Variants in KRTAP4-12 observed in about 807,000 individuals in gnomAD.
KRTAP4-12 encodes the protein keratin associated protein 4-12.
Under a neutral mutation model 0.9 loss-of-function variants are expected in KRTAP4-12, and 1 was observed. The ratio of observed to expected loss-of-function variants is 1.11; its 90% CI spans 0.40 to 5.29. The LOEUF (loss-of-function observed/expected upper bound fraction) is 5.29, where lower values mean the gene tolerates loss of function less well. KRTAP4-12 is among the 30% of genes most tolerant of loss of function. KRTAP4-12 has a pLI of 0.16. For missense variants in KRTAP4-12, 240 were observed against 265.6 expected, an observed-to-expected ratio of 0.90 and a Z score of 0.67; for synonymous variants, 85 against 94.0, an observed-to-expected ratio of 0.90 and a Z score of 0.55.
In KRTAP4-12 at chr17:41,123,606, G is replaced by C. The variant is rs745512902; in HGVS notation, c.517C>G (p.Arg173Gly). The change falls in exon 1 of 1, where the codon CGA (arginine) becomes GGA (glycine). Residue 173 changes from arginine (R) to glycine (G), a missense_variant. This residue lies in a region of KRTAP4-12 where 119 missense variants were observed against 106.2 expected (regional missense o/e 1.12). Coordinates refer to ENST00000394014, the MANE Select transcript of KRTAP4-12 (RefSeq NM_031854.3). Reference protein sequence around the residue: ...PCCCLRPVCGRVSCHTTCYRP... With the variant: ...PCCCLRPVCGGVSCHTTCYRP... The stretch of plus-strand genomic sequence containing the variant: ...TAGCAAGTGGTGTGGCAGGAGACTC[G>C]GCCACAGACTGGACGCAGGCAGCAG... 12 of 1,612,656 alleles carry C rather than the reference G, an allele frequency of 7.4e-6. No individual in the cohort carries two copies. The highest frequency in any genetic ancestry group is 4.5e-5 in the East Asian group (2 of 44,862).
rs2014433062 is a variant in KRTAP4-12 at position 41,123,099 on chromosome 17, G to A, written c.*418C>T. 2 of 226,614 alleles carry A rather than the reference G, an allele frequency of 8.8e-6. No homozygotes were observed. The highest frequency in any genetic ancestry group is 1.7e-5 in the Non-Finnish European group (2 of 116,398). The allele number at this position is 226,614 out of a possible 1,614,324, so 14.0% of individuals were successfully genotyped here. ...ATAAGAATCATATTCAATTTTCAGT[G>A]CCAATAGAATAGAGGTTTATTTTGG... On this transcript the variant is annotated 3_prime_UTR_variant, in exon 1 of 1. Transcript: ENST00000394014.
chr17:41,123,527 G>A lies in KRTAP4-12; in HGVS notation c.596C>T (p.Ser199Phe), dbSNP rs1479473374. 1.2e-6 allele frequency: 2 copies of A among 1,612,032 alleles called. No individual in the cohort carries two copies. The highest frequency in any genetic ancestry group is 2.2e-5 in the East Asian group (1 of 44,830). ...GTTCACAGCAGAGATTTAGCAGCAA[G>A]AGGAGGCACAGCACAAGGGGCGGGG... ...TCPRPLCCAS[S>F]CC The change falls in exon 1 of 1, where the codon TCT becomes TTT. Residue 199 changes from serine to phenylalanine, a missense_variant. Around this residue, in one of 3 missense-constraint regions of KRTAP4-12, gnomAD observed 119 missense variants for 106.2 expected, o/e 1.12. Coordinates refer to ENST00000394014, the MANE Select transcript of KRTAP4-12 (RefSeq NM_031854.3).
Position 41,123,713 on chromosome 17 carries a change from T to C in KRTAP4-12, c.410A>G (p.Gln137Arg). 3.1e-6 allele frequency: 5 copies of C among 1,609,090 alleles called. No homozygotes were observed. The highest frequency in any genetic ancestry group is 3.4e-6 in the Non-Finnish European group (4 of 1,178,214). The change falls in exon 1 of 1, where the codon CAG becomes CGG. Residue 137 changes from glutamine to arginine, a missense_variant. Around this residue, in one of 3 missense-constraint regions of KRTAP4-12, gnomAD observed 119 missense variants for 106.2 expected, o/e 1.12. Coordinates refer to ENST00000394014, the MANE Select transcript of KRTAP4-12 (RefSeq NM_031854.3). ...RPQCCQSVCC[Q>R]PTCCRPSCCI... ...GCAGCTGGGGCGGCAGCAGGTGGGC[T>C]GGCAGCACACAGACTGGCAGCACTG...
Position 41,123,611 on chromosome 17 carries a change from C to A in KRTAP4-12, c.512G>T (p.Cys171Phe), listed in dbSNP as rs2014443543. ...CRPCCCLRPVCGRVSCHTTCY... is the reference protein window; with the variant it reads ...CRPCCCLRPVFGRVSCHTTCY... Reference sequence around the variant, plus strand: ...AGTGGTGTGGCAGGAGACTCGGCCACAGACTGGACGCAGGCAGCAGCAGGG... The same window carrying A: ...AGTGGTGTGGCAGGAGACTCGGCCAAAGACTGGACGCAGGCAGCAGCAGGG... The change falls in exon 1 of 1, where the codon TGT (cysteine) becomes TTT (phenylalanine). Residue 171 changes from cysteine (C) to phenylalanine (F), a missense_variant. Physicochemically the swap from Cys to Phe is radical, Grantham distance 205 (BLOSUM62 -2). Transcript: ENST00000394014. The A allele has an allele frequency of 6.2e-7, 1 of 1,613,206 alleles. No homozygotes were observed. The highest frequency in any genetic ancestry group is 8.5e-7 in the Non-Finnish European group (1 of 1,179,688).
In KRTAP4-12 at chr17:41,123,652, T is replaced by C; in HGVS notation, c.471A>G (p.Glu157=). 6.2e-7 allele frequency: 1 copy of C among 1,611,704 alleles called. No homozygotes were observed. The highest frequency in any genetic ancestry group is 8.5e-7 in the Non-Finnish European group (1 of 1,179,434). ...AGCAGCAGGGGCGGCAGCAGCTGGA[T>C]TCACAGCAAGAGGGGCAGCAGCTGC... ...ISSSCCPSCC[E]SSCCRPCCCL... Residue 157 remains glutamate, a synonymous_variant, in exon 1 of 1, where the codon GAA becomes GAG. Transcript: ENST00000394014.
chr17:41,123,145 C>A lies in KRTAP4-12; in HGVS notation c.*372G>T. ...TTTGGTACATGGAAATAACAAGGTA[C>A]AAAAATGTTTGCAAAAGACTTTAAG... On this transcript the variant is annotated 3_prime_UTR_variant, in exon 1 of 1. Transcript: ENST00000394014. 2.9e-6 allele frequency: 1 copy of A among 340,436 alleles called. No homozygotes were observed. 21.1% of individuals were successfully genotyped at this position (340,436 alleles called of 1,614,324 possible). A position where few individuals can be genotyped will look rare whatever the true frequency, so the allele number is the denominator to read the frequency against.
Position 41,124,005 on chromosome 17 carries a change from A to T in KRTAP4-12, c.118T>A (p.Cys40Ser), listed in dbSNP as rs570389504. The change falls in exon 1 of 1, where the codon TGC (cysteine) becomes AGC (serine). Residue 40 changes from cysteine (C) to serine (S), a missense_variant. Coordinates refer to ENST00000394014, the MANE Select transcript of KRTAP4-12 (RefSeq NM_031854.3). ...GGCCTGCAGCAGCTGGACACACAGC[A>T]GCTGGGGCGGCAGCAGGTGGTCCTG... is the stretch of plus-strand genomic sequence containing the variant. ...CCRTTCCRPS[C>S]CVSSCCRPQC... The T allele has an allele frequency of 3.2e-5, 51 of 1,605,592 alleles. No individual in the cohort carries two copies. Among genetic ancestry groups the T allele is most frequent in the Admixed American group, 1.4e-4 (8 of 58,908 alleles).
Position 41,123,129 on chromosome 17 carries a change from T to G in KRTAP4-12, c.*388A>C. On this transcript the variant is annotated 3_prime_UTR_variant, in exon 1 of 1. Transcript: ENST00000394014. ...TAGAATAGAGGTTTATTTTGGTACA[T>G]GGAAATAACAAGGTACAAAAATGTT... The G allele has an allele frequency of 3.4e-6, 1 of 293,760 alleles. No individual in the cohort carries two copies. Among genetic ancestry groups the G allele is most frequent in the Non-Finnish European group, 6.3e-6 (1 of 159,186 alleles). The allele number at this position is 293,760 out of a possible 1,614,324, so 18.2% of individuals were successfully genotyped here. A position where few individuals can be genotyped will look rare whatever the true frequency, so the allele number is the denominator to read the frequency against.
In KRTAP4-12 at chr17:41,123,522, A is replaced by C. The variant is rs2014440460; in HGVS notation, c.601T>G (p.Cys201Gly). ...PRPLCCASSC[C>G] ...GGTGTGTTCACAGCAGAGATTTAGC[A>C]GCAAGAGGAGGCACAGCACAAGGGG... Residue 201 changes from cysteine (C) to glycine (G), a missense_variant, in exon 1 of 1, where the codon TGC becomes GGC. By Grantham distance (159) the Cys-to-Gly change is radical. Coordinates refer to ENST00000394014, the MANE Select transcript of KRTAP4-12 (RefSeq NM_031854.3). 1.2e-6 allele frequency: 2 copies of C among 1,611,396 alleles called. No homozygotes were observed. Among genetic ancestry groups the C allele is most frequent in the Admixed American group, 3.4e-5 (2 of 59,596 alleles).
Position 41,124,178 on chromosome 17 carries a change from T to G in KRTAP4-12, c.-56A>C. 6.4e-7 allele frequency: 1 copy of G among 1,564,652 alleles called. No homozygotes were observed. The highest frequency in any genetic ancestry group is 8.7e-7 in the Non-Finnish European group (1 of 1,155,546). On this transcript the variant is annotated 5_prime_UTR_variant, in exon 1 of 1. Transcript: ENST00000394014. Reference sequence around the variant, plus strand: ...TTCCAGGAGAGTGAGTGTTCTGAGTTTGATCTCTCCTTGTTCTCTCTTTTG... The same window carrying G: ...TTCCAGGAGAGTGAGTGTTCTGAGTGTGATCTCTCCTTGTTCTCTCTTTTG...
At position 41,123,859 on chromosome 17, in the gene KRTAP4-12, G is replaced by A. The variant is rs1438812750; in HGVS notation, c.264C>T (p.Pro88=). The part of the protein sequence containing the change: ...PSCCVSSCCR[P]QCCQSVCCQP... ...GGCAGCACACAGACTGGCAGCACTG[G>A]GGTCTGCAGCAGCTGGACACACAGC... Residue 88 remains proline, a synonymous_variant, in exon 1 of 1, where the codon CCC becomes CCT. Transcript: ENST00000394014. 9.3e-6 allele frequency: 15 copies of A among 1,609,882 alleles called. No individual in the cohort carries two copies. Among genetic ancestry groups the A allele is most frequent in the Non-Finnish European group, 1.2e-5 (14 of 1,179,298 alleles).
At position 41,123,297 on chromosome 17, in the gene KRTAP4-12, G is replaced by T; in HGVS notation, c.*220C>A. ...CCTGAAGTCAAAGAGGTGGGAGGATGTTGGAGGACAATTTGTCAATTTATT... is the reference window on the plus strand; with the variant it reads ...CCTGAAGTCAAAGAGGTGGGAGGATTTTGGAGGACAATTTGTCAATTTATT... On this transcript the variant is annotated 3_prime_UTR_variant, in exon 1 of 1. Transcript: ENST00000394014. The T allele has an allele frequency of 1.1e-6, 1 of 925,088 alleles. No individual in the cohort carries two copies. The highest frequency in any genetic ancestry group is 1.6e-6 in the Non-Finnish European group (1 of 625,096). The allele number at this position is 925,088 out of a possible 1,614,324, so 57.3% of individuals were successfully genotyped here.
At position 41,124,114 on chromosome 17, in the gene KRTAP4-12, G is replaced by A. The variant is rs1229375671; in HGVS notation, c.9C>T (p.Asn3=). The change falls in exon 1 of 1, where the codon AAC becomes AAT. Residue 3 remains asparagine (N), a synonymous_variant. Coordinates refer to ENST00000394014, the MANE Select transcript of KRTAP4-12 (RefSeq NM_031854.3). ...CAGAGCACACAGAGCCACAACAGGA[G>A]TTGACCATGGTGTCAGAGGGTGGAG... is the stretch of plus-strand genomic sequence containing the variant. MV[N]SCCGSVCSDQ... The A allele has an allele frequency of 2.5e-6, 4 of 1,610,888 alleles. No homozygotes were observed. Among genetic ancestry groups the A allele is most frequent in the East Asian group, 2.2e-5 (1 of 44,838 alleles).
Sources: allele counts gnomAD v4.1 joint callset, GRCh38; gene constraint gnomAD v4.1.1; regional missense constraint gnomAD v4.1.1; transcripts MANE v1.5; gene names NCBI Gene and HGNC (gene_info 2026-07-23, HGNC 2026-07-21).